SMOC2: variants seen among roughly 807,000 people sequenced by gnomAD.
SMOC2 encodes SPARC related modular calcium binding 2, also known as SPARC-related modular calcium-binding protein 2.
Under a neutral mutation model 61.4 loss-of-function variants are expected in SMOC2, and 39 were observed. The observed-to-expected ratio is 0.64, with a 90% CI of 0.49 to 0.83. The LOEUF is 0.83. Ranked by LOEUF, SMOC2 falls within the 40% of genes least tolerant of loss-of-function variation. The pLI is 0.00. For missense variants in SMOC2, 556 were observed against 592.9 expected, an observed-to-expected ratio of 0.94 and a Z score of 0.65; for synonymous variants, 247 against 239.9, an observed-to-expected ratio of 1.03 and a Z score of -0.27.
chr6:168,487,882 G>T (rs1198744034), intron 1 of SMOC2, among the ~76,000 whole-genome samples: 1 of 151,796 alleles, frequency 6.6e-6, no homozygotes, highest in Non-Finnish European at 1.5e-5. Context: ...TATTTTTTTT[G>T]GCAATTTACA....
At chr6:168,479,877 C>A (rs1273926602) in intron 1 of SMOC2, among the ~76,000 whole-genome samples, 1 of 152,160 alleles carries the variant, frequency 6.6e-6, no homozygotes, top group Non-Finnish European at 1.5e-5. Context: ...GGCTGGCACA[C>A]TTCACCCAAA....
chr6:168,649,247 A>G (rs1169848985), intron 9 of SMOC2, among the ~76,000 whole-genome samples: 1 of 152,174 alleles, frequency 6.6e-6, no homozygotes, highest in Non-Finnish European at 1.5e-5. Flanking sequence ...GCCGTCTAAA[A>G]CTTTTCTTAG....
At chr6:168,501,192 T>C (rs1782719626) in intron 1 of SMOC2, among the ~76,000 whole-genome samples, 1 of 152,206 alleles carries the variant, frequency 6.6e-6, no homozygotes, top group Non-Finnish European at 1.5e-5. Flanking sequence ...ACAGAGCTTC[T>C]ACTGAATCTC....
chr6:168,611,504 TCGGGCCTGGCCGTGGCTCC>T (rs2115209517), intron 9 of SMOC2, among the ~76,000 whole-genome samples: 1 of 112,560 alleles, frequency 8.9e-6, no homozygotes, highest in Admixed American at 8.7e-5. Flanking sequence ...GGCTCCCGTG[TCGGGCCTGGCCGTGGCTCC>T]CATGTCTGGC....
intron 7 of SMOC2, among the ~76,000 whole-genome samples, chr6:168,582,996 T>C (rs1300149781): frequency 6.6e-6 from 1 of 151,504 alleles, no homozygotes; most frequent in Non-Finnish European, 1.5e-5. Context: ...GGCTCCGGCC[T>C]CCGTCACCTT....
At chr6:168,596,950 T>C (rs1010916910) in intron 7 of SMOC2, among the ~76,000 whole-genome samples, 2 of 152,356 alleles carry the variant, frequency 1.3e-5, no homozygotes, top group South Asian at 4.1e-4. Context: ...ATTAAACCGA[T>C]TTTGAGCACC....
intron 1 of SMOC2, among the ~76,000 whole-genome samples, chr6:168,460,962 G>T (rs1309783372): frequency 6.6e-6 from 1 of 152,212 alleles, no homozygotes; most frequent in Admixed American, 6.5e-5. Flanking sequence ...TAAACACAGA[G>T]GTTCTTCCCT....
intron 8 of SMOC2, among the ~76,000 whole-genome samples, chr6:168,605,227 G>C (rs1785656548): frequency 6.6e-6 from 1 of 152,214 alleles, no homozygotes; most frequent in Admixed American, 6.5e-5. Context: ...GGCAGCCTCT[G>C]TTCCTGGACC....
intron 9 of SMOC2, among the ~76,000 whole-genome samples, chr6:168,646,055 T>C (rs1787021556): frequency 6.6e-6 from 1 of 152,232 alleles, no homozygotes; most frequent in Non-Finnish European, 1.5e-5. Flanking sequence ...TCTATACCAG[T>C]TTCCTAAACA....
chr6:168,666,277 T>G, intron 12 of SMOC2, 144 bp from the exon 13 acceptor site: 1 of 721,448 alleles, frequency 1.4e-6, no homozygotes, highest in Non-Finnish European at 2.2e-6. Context: ...ATGTCTTCAT[T>G]GTTTCTTACT....
intron 9 of SMOC2, among the ~76,000 whole-genome samples, chr6:168,625,909 T>C (rs1184727061): frequency 2.0e-5 from 3 of 152,196 alleles, no homozygotes; most frequent in Non-Finnish European, 4.4e-5. Context: ...AGGAAGCGAA[T>C]TCCGTGGTTA....
chr6:168,443,605 A>G (rs912061412), intron 1 of SMOC2, among the ~76,000 whole-genome samples: 58 of 152,230 alleles, frequency 3.8e-4, no homozygotes, highest in Admixed American at 3.8e-3. Context: ...TTGAGTTACA[A>G]AGTAACTGAG....
intron 2 of SMOC2, among the ~76,000 whole-genome samples, chr6:168,525,921 T>C (rs574375377): frequency 6.6e-6 from 1 of 152,340 alleles, no homozygotes; most frequent in East Asian, 1.9e-4. Context: ...GCCCACCCTC[T>C]GCATCTGGAC....
intron 7 of SMOC2, among the ~76,000 whole-genome samples, chr6:168,556,388 C>A (rs1197986758): frequency 6.6e-6 from 1 of 152,166 alleles, no homozygotes; most frequent in African/African-American, 2.4e-5. Flanking sequence ...CCCTCGGTCC[C>A]CAGCAGCCCA....
At chr6:168,563,296 T>G (rs1784464464) in intron 7 of SMOC2, among the ~76,000 whole-genome samples, 1 of 152,122 alleles carries the variant, frequency 6.6e-6, no homozygotes, top group Admixed American at 6.5e-5. Flanking sequence ...TATGTGTGTG[T>G]GTGTATATAT....
chr6:168,597,751 C>T (rs913267215), intron 7 of SMOC2, among the ~76,000 whole-genome samples: 14 of 152,206 alleles, frequency 9.2e-5, no homozygotes, highest in Non-Finnish European at 1.6e-4. Context: ...GAGAGGCTGC[C>T]CCTGCTGCTC....
At chr6:168,573,895 T>G (rs1784732361) in intron 7 of SMOC2, among the ~76,000 whole-genome samples, 1 of 152,206 alleles carries the variant, frequency 6.6e-6, no homozygotes, top group African/African-American at 2.4e-5. Context: ...GTGACTGTCT[T>G]GGGTCACACG....
chr6:168,528,267 G>GTTTTTTTTTTT, intron 4 of SMOC2, among the ~76,000 whole-genome samples: 1 of 136,572 alleles, frequency 7.3e-6, no homozygotes, highest in Non-Finnish European at 1.5e-5. Flanking sequence ...TCCCATTAGT[G>GTTTTTTTTTTT]TTTTTTTTTT....
At chr6:168,629,674 A>G (rs949330868) in intron 9 of SMOC2, among the ~76,000 whole-genome samples, 3 of 152,142 alleles carry the variant, frequency 2.0e-5, no homozygotes, top group African/African-American at 7.2e-5. Context: ...AAGGAATGAA[A>G]TGGACTGTTC....
Sources: gnomAD v4.1 joint callset for allele counts (sites outside exome capture counted in the v4.1 genomes callset) on GRCh38, gnomAD v4.1.1 for gene constraint, MANE v1.5 for transcripts, NCBI Gene and HGNC (gene_info 2026-07-23, HGNC 2026-07-21) for gene names.